Variants in COL4A3 observed in about 807,000 individuals in gnomAD.
The protein encoded by COL4A3 is collagen alpha-3(IV) chain.
In COL4A3, 135 loss-of-function variants were observed where a neutral mutation model predicts 217.4. The observed-to-expected ratio is 0.62, with a 90% CI of 0.54 to 0.72. The LOEUF is 0.72. COL4A3 is among the 30% of genes least tolerant of loss of function. COL4A3 has a pLI of 0.00. For missense variants in COL4A3, 1,868 were observed against 2,119.9 expected (o/e 0.88, Z 2.33); for synonymous variants, 690 against 736.3 (o/e 0.94, Z 1.02).
intron 48 of COL4A3, 131 bp from the exon 49 acceptor site, chr2:227,308,768 C>T: frequency 2.2e-6 from 2 of 923,494 alleles, no homozygotes; most frequent in Non-Finnish European, 3.4e-6. Context: ...CTACATTTTG[C>T]AGATAACTCT....
chr2:227,245,407 A>C (rs1249471679), intron 5 of COL4A3, among the ~76,000 whole-genome samples: 1 of 152,240 alleles, frequency 6.6e-6, no homozygotes, highest in Non-Finnish European at 1.5e-5. Context: ...AGTAATCTAG[A>C]AATGACTTTA....
intron 3 of COL4A3, 138 bp downstream of exon 3, chr2:227,240,370 A>G: frequency 1.2e-6 from 1 of 806,134 alleles, no homozygotes; most frequent in Non-Finnish European, 2.1e-6. Context: ...GGTTTCCGGT[A>G]TTAGTGGGCC....
In COL4A3 at chr2:227,245,055, A is replaced by C; in HGVS notation, c.324+60A>C. On this transcript the variant is annotated intron_variant, in intron 5 of 51. Coordinates refer to ENST00000396578, the MANE Select transcript of COL4A3 (RefSeq NM_000091.5). The stretch of plus-strand genomic sequence containing the variant: ...TAAAAGTAAGCTCATTTTAATAAAG[A>C]TGTTAAAACAGTCGTGCAAGAAAAT... 4.6e-6 allele frequency: 7 copies of C among 1,506,642 alleles called. No homozygotes were observed. In the Admixed American group the frequency reaches 1.2e-4, roughly 25 times the overall value. 93.3% of individuals were successfully genotyped at this position (1,506,642 alleles called of 1,614,324 possible).
intron 1 of COL4A3, among the ~76,000 whole-genome samples, chr2:227,178,271 A>G (rs2065752933): frequency 6.8e-6 from 1 of 148,078 alleles, no homozygotes; most frequent in African/African-American, 2.5e-5. Context: ...AGTCTCAGCT[A>G]CTCAGGAGGC....
rs553507681 is a variant in COL4A3 at position 227,281,815 on chromosome 2, C to T, written c.2489-550C>T. 5.2e-5 allele frequency: 8 copies of T among 152,522 alleles called. No homozygotes were observed. In the East Asian group the frequency reaches 1.5e-3, roughly 29 times the overall value. The allele number at this position is 152,522 out of a possible 1,614,324, so 9.4% of individuals were successfully genotyped here. ...CTAGAAAATAGATATAAAGACTACA[C>T]TTGTATTACTGCATAAATCATTGGA... is the stretch of plus-strand genomic sequence containing the variant. On this transcript the variant is annotated intron_variant, in intron 31 of 51. Coordinates refer to ENST00000396578, the MANE Select transcript of COL4A3 (RefSeq NM_000091.5).
intron 1 of COL4A3, among the ~76,000 whole-genome samples, chr2:227,218,080 C>CTATATATATATATATATATATAGCTA (rs2067600181): frequency 8.4e-6 from 1 of 118,378 alleles, no homozygotes; most frequent in Non-Finnish European, 1.9e-5. Flanking sequence ...ATATATATAG[C>CTATATATATATATATATATATAGCTA]TATATATATA....
intron 1 of COL4A3, among the ~76,000 whole-genome samples, chr2:227,224,576 C>A (rs958905156): frequency 6.6e-6 from 1 of 152,100 alleles, no homozygotes; most frequent in Non-Finnish European, 1.5e-5. Flanking sequence ...CATGGTGAAA[C>A]CCTGTCTCTA....
intron 37 of COL4A3, 135 bp from the exon 38 acceptor site, chr2:227,293,056 C>A: frequency 8.7e-7 from 1 of 1,146,942 alleles, no homozygotes. Flanking sequence ...CAGCACCTAT[C>A]ACAGTGCTGG....
chr2:227,211,241 C>T (rs931713394), intron 1 of COL4A3, among the ~76,000 whole-genome samples: 62 of 151,868 alleles, frequency 4.1e-4, no homozygotes, highest in Admixed American at 3.6e-3. Flanking sequence ...CCTCGTGATC[C>T]GCCCACCTCG....
intron 1 of COL4A3, among the ~76,000 whole-genome samples, chr2:227,209,397 A>G (rs2067228864): frequency 6.6e-6 from 1 of 152,118 alleles, no homozygotes; most frequent in Non-Finnish European, 1.5e-5. Flanking sequence ...TTTGCTTGTC[A>G]TCCTCCCTGC....
intron 6 of COL4A3, chr2:227,246,270 G>A: frequency 1.8e-6 from 1 of 552,312 alleles, no homozygotes; most frequent in Non-Finnish European, 3.2e-6. Flanking sequence ...CTGAGGCTGT[G>A]TGTATAAATC....
At chr2:227,256,528 T>C (rs1476189660) in intron 17 of COL4A3, 132 bp downstream of exon 17, 1 of 836,598 alleles carries the variant, frequency 1.2e-6, no homozygotes, top group East Asian at 2.4e-5. Context: ...CTAGGTCTGT[T>C]AAGAAGAAAA....
chr2:227,235,333 T>C (rs2068631359), intron 1 of COL4A3, among the ~76,000 whole-genome samples: 1 of 152,222 alleles, frequency 6.6e-6, no homozygotes, highest in Admixed American at 6.5e-5. Flanking sequence ...AGTCAAGACA[T>C]GACTTCATGA....
rs75683214 is a variant in COL4A3 at position 227,246,696 on chromosome 2, G to A, written c.399G>A (p.Gly133=). The change falls in exon 7 of 52, where the codon GGG becomes GGA. Residue 133 remains glycine (G), a synonymous_variant. Transcript: ENST00000396578. ...TGTATGTCTTTTAGGGTGAGCAGGG[G>A]TTTCCAGGACTCCCAGGGACACTGG... ...PGCSGSKGEQ[G]FPGLPGTLGY... is the part of the protein sequence containing the mutation. 3.7e-3 allele frequency: 6,024 copies of A among 1,612,114 alleles called. 195 individuals are homozygous for A. The African/African-American group carries it at 0.071, about 19-fold the overall frequency.
intron 8 of COL4A3, 45 bp downstream of exon 8, chr2:227,247,629 C>T (rs1410870453): frequency 1.3e-6 from 2 of 1,588,832 alleles, no homozygotes; most frequent in Admixed American, 3.3e-5. Context: ...TCTAACTGTA[C>T]ATATGAAAAG....
chr2:227,265,870 C>T (rs1192271181), intron 21 of COL4A3: 1 of 158,066 alleles, frequency 6.3e-6, no homozygotes, highest in African/African-American at 2.4e-5. Flanking sequence ...CCTCAGTAAA[C>T]TTACACTCGT....
intron 1 of COL4A3, among the ~76,000 whole-genome samples, chr2:227,207,857 T>C (rs2067158840): frequency 6.6e-6 from 1 of 152,086 alleles, no homozygotes; most frequent in Admixed American, 6.5e-5. Flanking sequence ...ACTTGCCCTG[T>C]AGGGAGTGTC....
chr2:227,252,248 C>CTGT (rs375514488), intron 11 of COL4A3, among the ~76,000 whole-genome samples: 161 of 116,344 alleles, frequency 1.4e-3, no homozygotes, highest in African/African-American at 5.2e-3. Context: ...GAGTCTCACT[C>CTGT]TGTTGCCCAG....
chr2:227,184,013 T>G (rs2065937169), intron 1 of COL4A3, among the ~76,000 whole-genome samples: 1 of 152,214 alleles, frequency 6.6e-6, no homozygotes, highest in Non-Finnish European at 1.5e-5. Flanking sequence ...TGCCCCCATG[T>G]CATTCCAACA....
Sources: allele counts gnomAD v4.1 joint callset (sites outside exome capture counted in the v4.1 genomes callset), GRCh38; gene constraint gnomAD v4.1.1; transcripts MANE v1.5; gene names NCBI Gene and HGNC (gene_info 2026-07-23, HGNC 2026-07-21).